Variants in VGLL4 observed in about 807,000 individuals in gnomAD.
VGLL4 encodes the protein transcription cofactor vestigial-like protein 4.
A neutral mutation model predicts 21.0 loss-of-function variants in VGLL4; 7 were observed. The observed-to-expected ratio is 0.33, with a 90% CI of 0.19 to 0.63. VGLL4 has a LOEUF of 0.63. VGLL4 is among the 20% of genes least tolerant of loss of function. The pLI is 0.78. For missense variants in VGLL4, 394 were observed against 425.7 expected (o/e 0.93, Z 0.66); for synonymous variants, 222 against 173.2 (o/e 1.28, Z -2.21).
At chr3:11,652,464 G>A (rs2075887928) in intron 2 of VGLL4, among the ~76,000 whole-genome samples, 1 of 152,128 alleles carries the variant, frequency 6.6e-6, no homozygotes, top group Non-Finnish European at 1.5e-5. Flanking sequence ...CTGTTGCCCA[G>A]GCTGGAGTGC....
At chr3:11,560,903 G>A (rs867815423) in intron 3 of VGLL4, among the ~76,000 whole-genome samples, 1 of 152,186 alleles carries the variant, frequency 6.6e-6, no homozygotes, top group African/African-American at 2.4e-5. Context: ...TCACAATGCT[G>A]AGCAGACAGG....
At chr3:11,628,961 A>G (rs891328679) in intron 1 of VGLL4, among the ~76,000 whole-genome samples, 11 of 152,264 alleles carry the variant, frequency 7.2e-5, no homozygotes, top group Non-Finnish European at 1.0e-4. Context: ...GCACTTCCAT[A>G]ATCTATTAAG....
Position 11,696,042 on chromosome 3 carries a change from C to G in VGLL4, c.64+6929G>C, listed in dbSNP as rs529770349. On this transcript the variant is annotated intron_variant, in intron 2 of 5. Transcript: ENST00000273038. ...ACATAGAGAAACAGACAGACATAGG[C>G]GACAAAACAACAACTGCATTTCCCG... Among the ~76,000 whole-genome samples the G allele has an allele frequency of 4.6e-5, 7 of 152,240 alleles. No homozygotes were observed. The South Asian group carries it at 1.5e-3, about 32-fold the overall frequency.
At chr3:11,683,101 C>G (rs1319718843) in intron 2 of VGLL4, among the ~76,000 whole-genome samples, 1 of 152,092 alleles carries the variant, frequency 6.6e-6, no homozygotes. Flanking sequence ...GTGGTGGGCA[C>G]CTGTAATCCC....
intron 1 of VGLL4, among the ~76,000 whole-genome samples, chr3:11,640,772 G>A (rs2075673920): frequency 1.3e-5 from 2 of 152,134 alleles, no homozygotes; most frequent in South Asian, 4.1e-4. Flanking sequence ...ATGCTACAAG[G>A]TAAACGGCTA....
At chr3:11,688,806 G>C (rs183709002) in intron 2 of VGLL4, among the ~76,000 whole-genome samples, 2 of 152,240 alleles carry the variant, frequency 1.3e-5, no homozygotes, top group Admixed American at 1.3e-4. Context: ...ATCACCTGAG[G>C]TCAGGAGTTC....
rs2074805843 is a variant in VGLL4 at position 11,601,850 on chromosome 3, G to A, written c.255C>T (p.Arg85=). The part of the protein sequence containing the change: ...CDNDHVSKMS[R]IFNPHLNKTA... ...GAACTCACAGATGGGGGTTGAAGAT[G>A]CGACTCATTTTGGAGACGTGGTCGT... The change falls in exon 2 of 5, where the codon CGC becomes CGT. Residue 85 remains arginine (R), a synonymous_variant. Transcript: ENST00000430365. 3.7e-6 allele frequency: 6 copies of A among 1,613,702 alleles called. No individual in the cohort carries two copies. The highest frequency in any genetic ancestry group is 3.3e-4 in the Middle Eastern group (2 of 6,082).
At position 11,601,820 on chromosome 3, in the gene VGLL4, C is replaced by T; in HGVS notation, c.272+13G>A. The T allele has an allele frequency of 1.2e-6, 2 of 1,613,166 alleles. No individual in the cohort carries two copies. Among genetic ancestry groups the T allele is most frequent in the Non-Finnish European group, 1.7e-6 (2 of 1,179,552 alleles). ...GAGCACCCTTAAGCCAAAATAAGAA[C>T]AGAGGAACTCACAGATGGGGGTTGA... On this transcript the variant is annotated intron_variant, in intron 2 of 4. Transcript: ENST00000430365.
chr3:11,615,739 G>A (rs1000162961), intron 1 of VGLL4, among the ~76,000 whole-genome samples: 1 of 152,066 alleles, frequency 6.6e-6, no homozygotes, highest in Non-Finnish European at 1.5e-5. Flanking sequence ...GAGCTAAGCT[G>A]GATTAAAGAC....
chr3:11,564,551 G>A (rs1170546733), intron 3 of VGLL4, among the ~76,000 whole-genome samples: 3 of 152,192 alleles, frequency 2.0e-5, no homozygotes, highest in African/African-American at 2.4e-5. Context: ...GCCCAAGGCC[G>A]TGAGTGCTAA....
chr3:11,612,620 CTG>C (rs1345018397), intron 1 of VGLL4: 1 of 152,242 alleles, frequency 6.6e-6, no homozygotes, highest in Non-Finnish European at 1.5e-5. Flanking sequence ...TCCCTAGACT[CTG>C]GCTCTCAGGT....
At chr3:11,698,040 G>A (rs879944374) in intron 2 of VGLL4, among the ~76,000 whole-genome samples, 2 of 152,216 alleles carry the variant, frequency 1.3e-5, no homozygotes, top group African/African-American at 2.4e-5. Context: ...GAGGAAGTCA[G>A]CGGATGCAAT....
chr3:11,663,770 G>GC (rs1274396128), intron 2 of VGLL4, among the ~76,000 whole-genome samples: 1 of 152,134 alleles, frequency 6.6e-6, no homozygotes, highest in African/African-American at 2.4e-5. Flanking sequence ...TGTACACACT[G>GC]AAGGGTTTGG....
chr3:11,707,327 C>CA (rs34222383), intron 1 of VGLL4, among the ~76,000 whole-genome samples: 2,203 of 42,868 alleles, frequency 0.051, 101 homozygotes, highest in East Asian at 0.28. Context: ...GACCCTGCCT[C>CA]AAAAAAAAAA....
intron 1 of VGLL4, among the ~76,000 whole-genome samples, chr3:11,639,032 T>C (rs1004055450): frequency 6.6e-6 from 1 of 152,226 alleles, no homozygotes. Context: ...CACTATGCAA[T>C]GTATTCCTAC....
At chr3:11,618,618 C>T (rs1274369225) in intron 1 of VGLL4, among the ~76,000 whole-genome samples, 1 of 152,124 alleles carries the variant, frequency 6.6e-6, no homozygotes, top group Admixed American at 6.6e-5. Flanking sequence ...GATCCTTATG[C>T]AAAAATTATA....
At chr3:11,610,362 GCTCA>G (rs2125283361) in intron 1 of VGLL4, 1 of 152,328 alleles carries the variant, frequency 6.6e-6, no homozygotes, top group East Asian at 1.9e-4. Flanking sequence ...CCCCATTCTG[GCTCA>G]CTTTTTTCTT....
Position 11,653,938 on chromosome 3 carries a change from G to A in VGLL4, c.64+49033C>T, listed in dbSNP as rs901757118. ...GAGACAACACAGAGGGAAGGGCCCC[G>A]GCCAGAGGCTCTCAACCAAGGAGAT... is the stretch of plus-strand genomic sequence containing the variant. On this transcript the variant is annotated intron_variant, in intron 2 of 5. Coordinates refer to the VGLL4 transcript ENST00000273038. This position sits in a 1 kb window ranked among gnomAD's most constrained non-coding sequence, Gnocchi z 4.2. Among the ~76,000 whole-genome samples, 3 of 152,078 alleles carry A rather than the reference G, an allele frequency of 2.0e-5. No individual in the cohort carries two copies. Among genetic ancestry groups the A allele is most frequent in the Admixed American group, 6.6e-5 (1 of 15,256 alleles).
chr3:11,592,322 G>A (rs760821971), intron 2 of VGLL4, among the ~76,000 whole-genome samples: 2 of 152,190 alleles, frequency 1.3e-5, no homozygotes, highest in Non-Finnish European at 2.9e-5. Flanking sequence ...CTTCCCAAGC[G>A]TAAAGAAAAC....
Sources: allele counts gnomAD v4.1 joint callset (sites outside exome capture counted in the v4.1 genomes callset), GRCh38; gene constraint gnomAD v4.1.1; non-coding constraint Gnocchi (gnomAD v3.1); transcripts MANE v1.5; gene names NCBI Gene and HGNC (gene_info 2026-07-23, HGNC 2026-07-21).